Variants in CDYL2 observed in about 807,000 individuals in gnomAD.
The protein encoded by CDYL2 is chromodomain Y like 2.
Under a neutral mutation model 49.4 loss-of-function variants are expected in CDYL2, and 23 were observed. The ratio of observed to expected loss-of-function variants is 0.47; its 90% CI spans 0.34 to 0.66. CDYL2 has a LOEUF of 0.66. Among genes scored for constraint, CDYL2 ranks in the 30% least tolerant of loss-of-function variants. The pLI is 0.01. For missense variants in CDYL2, 678 were observed against 656.4 expected (o/e 1.03, Z -0.36); for synonymous variants, 360 against 268.8 (o/e 1.34, Z -3.32).
intron 1 of CDYL2, among the ~76,000 whole-genome samples, chr16:80,748,859 G>T (rs1906030848): frequency 2.0e-5 from 3 of 151,940 alleles, no homozygotes; most frequent in Admixed American, 6.6e-5. Flanking sequence ...CCCAGTTTGG[G>T]CATGGATACC....
At chr16:80,663,619 T>A (rs1459376534) in intron 2 of CDYL2, among the ~76,000 whole-genome samples, 5 of 151,902 alleles carry the variant, frequency 3.3e-5, no homozygotes, top group African/African-American at 1.2e-4. Flanking sequence ...TGAGACAGAG[T>A]TTCATTCTTC....
intron 1 of CDYL2, among the ~76,000 whole-genome samples, chr16:80,762,881 T>G (rs1423472863): frequency 6.6e-6 from 1 of 152,194 alleles, no homozygotes; most frequent in Non-Finnish European, 1.5e-5. Context: ...GTGTTACATC[T>G]GTGAGCTTCA....
intron 1 of CDYL2, among the ~76,000 whole-genome samples, chr16:80,689,364 T>C: frequency 6.6e-6 from 1 of 152,214 alleles, no homozygotes; most frequent in East Asian, 1.9e-4. Flanking sequence ...ACATGCATAG[T>C]TCCAGGAACT....
chr16:80,606,134 C>T (rs1461538280), intron 6 of CDYL2, among the ~76,000 whole-genome samples: 4 of 152,242 alleles, frequency 2.6e-5, no homozygotes, highest in East Asian at 3.8e-4. Context: ...GGAGGGGCTG[C>T]ACCCTCACTC....
Position 80,608,238 on chromosome 16 carries a change from G to C in CDYL2, c.1219-3C>G. ...CCACAGAACAGCATCTCATTGGCCT[G>C]AAAAAGCAAAAGCAGGCAAAGACTG... On this transcript the variant is annotated splice_polypyrimidine_tract_variant and splice_region_variant and intron_variant, in intron 5 of 6. Transcript: ENST00000570137. The C allele has an allele frequency of 6.4e-7, 1 of 1,563,698 alleles. No homozygotes were observed. The highest frequency in any genetic ancestry group is 8.7e-7 in the Non-Finnish European group (1 of 1,153,006).
intron 2 of CDYL2, among the ~76,000 whole-genome samples, chr16:80,663,594 A>T (rs1233974343): frequency 6.6e-6 from 1 of 151,068 alleles, no homozygotes; most frequent in Admixed American, 6.6e-5. Flanking sequence ...AGATGTCTAA[A>T]TTTTTTTTTT....
At chr16:80,640,221 T>C (rs780081817) in intron 2 of CDYL2, among the ~76,000 whole-genome samples, 2 of 152,022 alleles carry the variant, frequency 1.3e-5, no homozygotes, top group South Asian at 4.1e-4. Context: ...TCCTTTCCAC[T>C]TGAGGAGAGG....
At chr16:80,662,778 G>A (rs1909100111) in intron 2 of CDYL2, 1 of 455,698 alleles carries the variant, frequency 2.2e-6, no homozygotes, top group Admixed American at 2.4e-5. Context: ...ACTGGACAGT[G>A]AAGGGAATCA....
At chr16:80,733,961 C>A (rs1422171618) in intron 1 of CDYL2, among the ~76,000 whole-genome samples, 1 of 152,138 alleles carries the variant, frequency 6.6e-6, no homozygotes, top group Non-Finnish European at 1.5e-5. Flanking sequence ...ATGGCAAGAC[C>A]CACAAGGCCT....
intron 1 of CDYL2, among the ~76,000 whole-genome samples, chr16:80,695,058 T>C (rs963760357): frequency 1.3e-5 from 2 of 152,260 alleles, no homozygotes; most frequent in Non-Finnish European, 1.5e-5. Flanking sequence ...CAAGAGTCCA[T>C]CTGATATAAA....
At chr16:80,713,528 T>C (rs1173724292) in intron 1 of CDYL2, among the ~76,000 whole-genome samples, 1 of 152,156 alleles carries the variant, frequency 6.6e-6, no homozygotes, top group Non-Finnish European at 1.5e-5. Context: ...TGAGCTCTAA[T>C]CAAAGATTCC....
intron 1 of CDYL2, among the ~76,000 whole-genome samples, chr16:80,724,044 A>T (rs996015721): frequency 2.7e-5 from 4 of 148,810 alleles, no homozygotes; most frequent in Non-Finnish European, 4.4e-5. Flanking sequence ...GGAGGAAGAG[A>T]AAGAAGATGA....
At chr16:80,732,507 C>A (rs1005785440) in intron 1 of CDYL2, among the ~76,000 whole-genome samples, 3 of 152,170 alleles carry the variant, frequency 2.0e-5, no homozygotes, top group Admixed American at 2.0e-4. Context: ...CACAGAATAT[C>A]TTTGGAAGGA....
chr16:80,790,343 T>C (rs147401534), intron 1 of CDYL2, among the ~76,000 whole-genome samples: 311 of 152,326 alleles, frequency 2.0e-3, no homozygotes, highest in Non-Finnish European at 3.5e-3. Flanking sequence ...CTCTGCCATG[T>C]GTGATAATCA....
chr16:80,706,277 A>T (rs1271438981), intron 1 of CDYL2, among the ~76,000 whole-genome samples: 1 of 152,198 alleles, frequency 6.6e-6, no homozygotes, highest in African/African-American at 2.4e-5. Context: ...GTTTGTGAAA[A>T]ATGAGTTGCC....
chr16:80,710,933 T>C (rs1282219830), intron 1 of CDYL2, among the ~76,000 whole-genome samples: 4 of 152,254 alleles, frequency 2.6e-5, no homozygotes, highest in Non-Finnish European at 5.9e-5. Flanking sequence ...TTTAGTTTCA[T>C]GAATACATAT....
intron 2 of CDYL2, among the ~76,000 whole-genome samples, chr16:80,665,426 C>A (rs1368389895): frequency 2.0e-5 from 3 of 147,032 alleles, no homozygotes; most frequent in African/African-American, 7.6e-5. Context: ...GAGGGCTCAA[C>A]AGATCTTGTG....
intron 1 of CDYL2, among the ~76,000 whole-genome samples, chr16:80,704,213 T>C (rs567692555): frequency 6.6e-6 from 1 of 152,288 alleles, no homozygotes; most frequent in African/African-American, 2.4e-5. Context: ...CCACTCCTAA[T>C]CAGCCCAGAT....
In CDYL2 at chr16:80,677,747, A is replaced by T. The variant is rs1369618822; in HGVS notation, c.616+6791T>A. Among the ~76,000 whole-genome samples the T allele has an allele frequency of 5.1e-4, 73 of 141,766 alleles. 1 individual carries two copies. The highest frequency in any genetic ancestry group is 2.2e-4 in the South Asian group (1 of 4,634). The allele number at this position is 141,766 out of a possible 152,430, so 93.0% of individuals were successfully genotyped here. Reference sequence around the variant, plus strand: ...GAGCGAGACTCCATCTCAAAAAAATAAAAATAAAAATAAAAATAAATAAAT... The same window carrying T: ...GAGCGAGACTCCATCTCAAAAAAATTAAAATAAAAATAAAAATAAATAAAT... On this transcript the variant is annotated intron_variant, in intron 2 of 6. Coordinates refer to ENST00000570137, the MANE Select transcript of CDYL2 (RefSeq NM_152342.4).
Sources: gnomAD v4.1 joint callset for allele counts (sites outside exome capture counted in the v4.1 genomes callset) on GRCh38, gnomAD v4.1.1 for gene constraint, MANE v1.5 for transcripts, NCBI Gene and HGNC (gene_info 2026-07-23, HGNC 2026-07-21) for gene names.